MYCBP2: variants seen among roughly 807,000 people sequenced by gnomAD.
The protein encoded by MYCBP2 is MYC binding protein 2.
Under a neutral mutation model 525.3 loss-of-function variants are expected in MYCBP2, and 120 were observed. That is an observed-to-expected ratio of 0.23 (90% CI 0.20 to 0.27). MYCBP2 has a LOEUF of 0.27. Ranked by LOEUF, MYCBP2 falls within the 10% of genes least tolerant of loss-of-function variation. MYCBP2 has a pLI of 1.00. For synonymous variants in MYCBP2, 1,894 were observed against 1,955.8 expected (o/e 0.97, Z 0.83); for missense variants, 4,149 against 5,657.1 (o/e 0.73, Z 8.55).
At position 77,190,335 on chromosome 13, in the gene MYCBP2, C is replaced by G; in HGVS notation, c.4071G>C (p.Gly1357=). The change falls in exon 29 of 83, where the codon GGG becomes GGC. Residue 1357 remains glycine, a splice_region_variant and synonymous_variant. Coordinates refer to ENST00000544440, the MANE Select transcript of MYCBP2 (RefSeq NM_015057.5). ...HGQASITTDD[G]VVFQFKSSKK... is the part of the protein sequence containing the mutation. ...TTGAACTCTTGAACTGGAAAACAAC[C>G]CTAAGAAGAGAAAACAATGATACCA... 1.3e-6 allele frequency: 2 copies of G among 1,588,606 alleles called. No homozygotes were observed. Among genetic ancestry groups the G allele is most frequent in the Non-Finnish European group, 8.6e-7 (1 of 1,160,910 alleles).
chr13:77,072,907 T>TA (rs1937711869), intron 68 of MYCBP2, among the ~76,000 whole-genome samples: 1 of 152,306 alleles, frequency 6.6e-6, no homozygotes, highest in African/African-American at 2.4e-5. Flanking sequence ...AAGTACTAGT[T>TA]AGATTATATA....
chr13:77,175,728 A>C (rs1024568945), intron 36 of MYCBP2, among the ~76,000 whole-genome samples: 6 of 152,196 alleles, frequency 3.9e-5, no homozygotes, highest in Non-Finnish European at 8.8e-5. Flanking sequence ...TGGGAGGCCA[A>C]GCGGAGTGGA....
chr13:77,185,183 T>C lies in MYCBP2; in HGVS notation c.4639A>G (p.Thr1547Ala). Residue 1547 changes from threonine to alanine, a missense_variant, in exon 32 of 83, where the codon ACT becomes GCT. Physicochemically the swap from Thr to Ala is moderately conservative, Grantham distance 58 (BLOSUM62 0). Transcript: ENST00000544440. ...GGGTAGAAAGAATGAAAGCAGGCAGTGAAAGTATTATGACATTCCTGAAGG... is the reference window on the plus strand; with the variant it reads ...GGGTAGAAAGAATGAAAGCAGGCAGCGAAAGTATTATGACATTCCTGAAGG... The part of the protein sequence containing the change: ...AVLQECHNTF[T>A]ACFHSFYPTP... 1 of 1,614,110 alleles carries C rather than the reference T, an allele frequency of 6.2e-7. No individual in the cohort carries two copies. Among genetic ancestry groups the C allele is most frequent in the Non-Finnish European group, 8.5e-7 (1 of 1,179,982 alleles).
At chr13:77,138,403 ATACAATAAGCTAACTT>A (rs1488702395) in intron 52 of MYCBP2, among the ~76,000 whole-genome samples, 1 of 152,214 alleles carries the variant, frequency 6.6e-6, no homozygotes, top group African/African-American at 2.4e-5. Flanking sequence ...GAATGGTTTG[ATACAATAAGCTAACTT>A]TATAAACGGA....
At chr13:77,055,873 C>T in intron 79 of MYCBP2, 106 bp from the exon 80 acceptor site, 2 of 711,676 alleles carry the variant, frequency 2.8e-6, no homozygotes, top group Non-Finnish European at 4.7e-6. Context: ...GATAACCAGA[C>T]AGCACACATA....
chr13:77,197,974 G>C (rs1019274383), intron 26 of MYCBP2, among the ~76,000 whole-genome samples: 3 of 152,252 alleles, frequency 2.0e-5, no homozygotes, highest in Non-Finnish European at 4.4e-5. Flanking sequence ...ATATACTACA[G>C]TGTTTGAAGA....
intron 52 of MYCBP2, among the ~76,000 whole-genome samples, 185 bp from the exon 53 acceptor site, chr13:77,126,727 T>G (rs2051737075): frequency 6.6e-6 from 1 of 152,154 alleles, no homozygotes; most frequent in Admixed American, 6.5e-5. Flanking sequence ...TCAACAATGC[T>G]ATTTAAAATA....
rs757769406 is a variant in MYCBP2 at position 77,169,679 on chromosome 13, G to A, written c.5830C>T (p.Leu1944=). ...ATAAGGGGGAGCAGCATGGAAAACA[G>A]ACTGGAAGAACTCAGCAGTTCTGGA... The part of the protein sequence containing the change: ...DIPELLSSSS[L]FSMLLPLIIA... The change falls in exon 39 of 83, where the codon CTG becomes TTG. Residue 1944 remains leucine, a synonymous_variant. Transcript: ENST00000544440. 4.3e-6 allele frequency: 7 copies of A among 1,614,004 alleles called. No homozygotes were observed. In the East Asian group the frequency reaches 1.3e-4, roughly 31 times the overall value.
At chr13:77,128,414 T>C (rs770690705) in intron 52 of MYCBP2, among the ~76,000 whole-genome samples, 9 of 151,950 alleles carry the variant, frequency 5.9e-5, no homozygotes, top group Non-Finnish European at 1.3e-4. Context: ...ATATTCCTAG[T>C]GCATTTAATT....
chr13:77,285,616 A>T (rs2076643829), intron 3 of MYCBP2, among the ~76,000 whole-genome samples: 1 of 152,032 alleles, frequency 6.6e-6, no homozygotes, highest in Admixed American at 6.6e-5. Flanking sequence ...GAGAAACCCC[A>T]TCTCTAATAA....
At chr13:77,248,402 C>T (rs897895569) in intron 15 of MYCBP2, among the ~76,000 whole-genome samples, 3 of 151,986 alleles carry the variant, frequency 2.0e-5, no homozygotes, top group Admixed American at 1.3e-4. Context: ...ATAGAGAATT[C>T]CTAAAACTCA....
chr13:77,249,623 G>A (rs1326488070), intron 15 of MYCBP2, among the ~76,000 whole-genome samples: 1 of 151,976 alleles, frequency 6.6e-6, no homozygotes, highest in Non-Finnish European at 1.5e-5. Flanking sequence ...TCAAACTCCT[G>A]GCCTCAAGTG....
At position 77,077,132 on chromosome 13, in the gene MYCBP2, T is replaced by G. The variant is rs770319782; in HGVS notation, c.11724+16A>C. The G allele has an allele frequency of 1.3e-5, 21 of 1,611,498 alleles. No homozygotes were observed. In the East Asian group the frequency reaches 4.5e-4, roughly 34 times the overall value. ...ATCAATTATCCTGTGCTAGAATATG[T>G]TGTAAGGACACTCACTTGAGACGTA... On this transcript the variant is annotated intron_variant, in intron 67 of 82. Coordinates refer to ENST00000544440, the MANE Select transcript of MYCBP2 (RefSeq NM_015057.5).
intron 3 of MYCBP2, among the ~76,000 whole-genome samples, chr13:77,285,527 C>T (rs986511982): frequency 6.6e-6 from 1 of 152,176 alleles, no homozygotes; most frequent in South Asian, 2.1e-4. Flanking sequence ...TGACTCACAC[C>T]TGTAATCCCA....
chr13:77,121,556 C>A, intron 54 of MYCBP2, 61 bp from the exon 55 acceptor site: 1 of 1,381,384 alleles, frequency 7.2e-7, no homozygotes, highest in Non-Finnish European at 9.5e-7. Context: ...ATTCATACAA[C>A]AAAGAGAGAA....
intron 52 of MYCBP2, among the ~76,000 whole-genome samples, chr13:77,137,105 G>T (rs766382115): frequency 6.6e-6 from 1 of 152,076 alleles, no homozygotes; most frequent in Non-Finnish European, 1.5e-5. Flanking sequence ...GTATCTGTAT[G>T]CCTCACTCCA....
rs764527701 is a variant in MYCBP2 at position 77,188,913 on chromosome 13, TGAAGA to T, written c.4251+33_4251+37del. ...TAAACATCAAAATGTATCTGAGGAC[TGAAGA>T]GAAAAGCTGAAATTTTTTAAAACAT... On this transcript the variant is annotated intron_variant, in intron 30 of 82. Coordinates refer to ENST00000544440, the MANE Select transcript of MYCBP2 (RefSeq NM_015057.5). 7.6e-6 allele frequency: 11 copies of T among 1,438,224 alleles called. No individual in the cohort carries two copies. In the African/African-American group the frequency reaches 1.5e-4, roughly 19 times the overall value. The allele number at this position is 1,438,224 out of a possible 1,614,324, so 89.1% of individuals were successfully genotyped here. A position where few individuals can be genotyped will look rare whatever the true frequency, so the allele number is the denominator to read the frequency against.
At chr13:77,247,816 G>T (rs911071525) in intron 15 of MYCBP2, among the ~76,000 whole-genome samples, 2 of 152,066 alleles carry the variant, frequency 1.3e-5, no homozygotes, top group African/African-American at 4.8e-5. Context: ...AATAGAGAAA[G>T]GATAATCATT....
intron 63 of MYCBP2, among the ~76,000 whole-genome samples, 195 bp downstream of exon 63, chr13:77,082,837 C>T (rs1229563343): frequency 6.6e-6 from 1 of 152,080 alleles, no homozygotes; most frequent in Non-Finnish European, 1.5e-5. Flanking sequence ...CCACATTTTA[C>T]AGGAGGGCAA....
Sources: allele counts gnomAD v4.1 joint callset (sites outside exome capture counted in the v4.1 genomes callset), GRCh38; gene constraint gnomAD v4.1.1; transcripts MANE v1.5; gene names NCBI Gene and HGNC (gene_info 2026-07-23, HGNC 2026-07-21).